The following ZNF473 variants were observed in gnomAD, a reference collection of about 807,000 sequenced individuals.
ZNF473 encodes zinc finger protein 473.
Under a neutral mutation model 11.1 loss-of-function variants are expected in ZNF473, and 4 were observed. The ratio of observed to expected loss-of-function variants is 0.36; its 90% CI spans 0.18 to 0.82. The LOEUF is 0.82. Ranked by LOEUF, ZNF473 falls within the 40% of genes least tolerant of loss-of-function variation. The pLI is 0.49. For synonymous variants in ZNF473, 404 were observed against 390.4 expected (o/e 1.03, Z -0.41); for missense variants, 854 against 1,084.0 (o/e 0.79, Z 2.98).
intron 2 of ZNF473, among the ~76,000 whole-genome samples, chr19:50,032,053 A>G (rs2077321193): frequency 6.6e-6 from 1 of 151,580 alleles, no homozygotes; most frequent in Non-Finnish European, 1.5e-5. Flanking sequence ...CCATGTCCCC[A>G]GTGCCCACAA....
intron 3 of ZNF473, chr19:50,040,449 T>A: frequency 6.6e-6 from 1 of 152,300 alleles, no homozygotes; most frequent in Non-Finnish European, 1.5e-5. Context: ...TAAGCCACCG[T>A]GTTTGCACAG....
In ZNF473 at chr19:50,045,524, C is replaced by T. The variant is rs895403488; in HGVS notation, c.1081C>T (p.His361Tyr). ...CCAGGCGACCTTCAACTTGAGAAAA[C>T]ACCTCATCCAACATCAGAAAACTCA... The part of the protein sequence containing the change: ...KCQATFNLRK[H>Y]LIQHQKTHAA... Residue 361 changes from histidine (H) to tyrosine (Y), a missense_variant, in exon 5 of 5, where the codon CAC becomes TAC. By Grantham distance (83) the His-to-Tyr change is moderately conservative. Coordinates refer to ENST00000270617, the MANE Select transcript of ZNF473 (RefSeq NM_015428.4). 1.2e-6 allele frequency: 2 copies of T among 1,614,088 alleles called. No individual in the cohort carries two copies.
chr19:50,030,515 A>C (rs1600750183), intron 1 of ZNF473, among the ~76,000 whole-genome samples: 1 of 152,206 alleles, frequency 6.6e-6, no homozygotes, highest in African/African-American at 2.4e-5. Flanking sequence ...GTCTCCAAAA[A>C]AGAGTAACAG....
intron 2 of ZNF473, among the ~76,000 whole-genome samples, chr19:50,035,352 A>G (rs1978364260): frequency 6.6e-6 from 1 of 151,918 alleles, no homozygotes. Context: ...TAGGACAGGT[A>G]GGGTAAATGC....
intron 3 of ZNF473, chr19:50,041,258 C>T (rs1174877368): frequency 6.5e-6 from 1 of 152,700 alleles, no homozygotes; most frequent in East Asian, 1.9e-4. Flanking sequence ...GCCTGTATCC[C>T]TCCTGGATGG....
At chr19:50,030,043 G>A (rs1434156630) in intron 1 of ZNF473, among the ~76,000 whole-genome samples, 4 of 152,094 alleles carry the variant, frequency 2.6e-5, no homozygotes, top group African/African-American at 9.7e-5. Context: ...TACAGACGGG[G>A]TTTCAGCATA....
At chr19:50,036,312 G>T (rs1218248595) in intron 2 of ZNF473, among the ~76,000 whole-genome samples, 1 of 124,260 alleles carries the variant, frequency 8.0e-6, no homozygotes, top group Non-Finnish European at 1.6e-5. Context: ...AAGAGGTGGG[G>T]CCTTTTTTTT....
intron 4 of ZNF473, chr19:50,042,468 C>T (rs1176564438): frequency 6.6e-6 from 1 of 152,302 alleles, no homozygotes; most frequent in African/African-American, 2.4e-5. Context: ...CTTCTTGGCT[C>T]ACCACGCTCA....
In ZNF473 at chr19:50,044,824, C is replaced by T. The variant is rs138578486; in HGVS notation, c.381C>T (p.Gly127=). 2.1e-5 allele frequency: 34 copies of T among 1,614,190 alleles called. No homozygotes were observed. The African/African-American group carries it at 2.5e-4, about 12-fold the overall frequency. Residue 127 remains glycine (G), a synonymous_variant, in exon 5 of 5, where the codon GGC becomes GGT. Coordinates refer to ENST00000270617, the MANE Select transcript of ZNF473 (RefSeq NM_015428.4). ...ACACCTGGTTAGATAGTTTGCTAGG[C>T]GATCCAGAAAGTCTTCTGAGGTCTG... ...IEDTWLDSLL[G]DPESLLRSDI...
chr19:50,042,707 T>C (rs1259694815), intron 4 of ZNF473: 2 of 152,258 alleles, frequency 1.3e-5, no homozygotes, highest in South Asian at 2.1e-4. Context: ...TCTTTCCCCT[T>C]TAACAGCATG....
chr19:50,046,227 A>G lies in ZNF473; in HGVS notation c.1784A>G (p.Gln595Arg). 1.9e-6 allele frequency: 3 copies of G among 1,614,202 alleles called. No homozygotes were observed. Among genetic ancestry groups the G allele is most frequent in the Non-Finnish European group, 2.5e-6 (3 of 1,180,038 alleles). ...TRGVKPFECD[Q>R]CGKAFGQSTR... ...GGAGTGAAGCCCTTTGAATGTGACC[A>G]GTGTGGGAAAGCCTTTGGCCAAAGT... The change falls in exon 5 of 5, where the codon CAG (glutamine) becomes CGG (arginine). Residue 595 changes from glutamine to arginine, a missense_variant. By Grantham distance (43) the Gln-to-Arg change is conservative. Coordinates refer to ENST00000270617, the MANE Select transcript of ZNF473 (RefSeq NM_015428.4). The surrounding 1 kb of genome is among the most constrained non-coding windows in gnomAD (Gnocchi z 5.9).
rs1978626508 is a variant in ZNF473 at position 50,039,078 on chromosome 19, G to A, written c.10-83G>A. The A allele has an allele frequency of 6.4e-7, 1 of 1,558,678 alleles. No homozygotes were observed. The highest frequency in any genetic ancestry group is 1.4e-5 in the African/African-American group (1 of 73,862). On this transcript the variant is annotated intron_variant, in intron 2 of 4. Coordinates refer to ENST00000270617, the MANE Select transcript of ZNF473 (RefSeq NM_015428.4). This position sits in a 1 kb window ranked among gnomAD's most constrained non-coding sequence, Gnocchi z 4.8. ...GTTTTTGCCAAAGCCCTGGCAGATTGAGGGCTGGGAGTGCCCTGAGTGAGC... is the reference window on the plus strand; with the variant it reads ...GTTTTTGCCAAAGCCCTGGCAGATTAAGGGCTGGGAGTGCCCTGAGTGAGC...
At chr19:50,027,171 C>G (rs541768693) in intron 1 of ZNF473, among the ~76,000 whole-genome samples, 29 of 152,088 alleles carry the variant, frequency 1.9e-4, no homozygotes, top group African/African-American at 7.0e-4. Context: ...GGCAGCACCC[C>G]CCCACACCCC....
chr19:50,034,386 T>C (rs2077334114), intron 2 of ZNF473, among the ~76,000 whole-genome samples: 1 of 152,242 alleles, frequency 6.6e-6, no homozygotes, highest in East Asian at 1.9e-4. Context: ...GGATGCTGTT[T>C]AGTATATGCC....
At position 50,044,797 on chromosome 19, in the gene ZNF473, G is replaced by A. The variant is rs1402131263; in HGVS notation, c.354G>A (p.Glu118=). The A allele has an allele frequency of 6.2e-7, 1 of 1,614,104 alleles. No individual in the cohort carries two copies. The highest frequency in any genetic ancestry group is 1.3e-5 in the African/African-American group (1 of 74,936). Reference sequence around the variant, plus strand: ...CCAATTTCGGAGAAGCCTGTATAGAGGACACCTGGTTAGATAGTTTGCTAG... The same window carrying A: ...CCAATTTCGGAGAAGCCTGTATAGAAGACACCTGGTTAGATAGTTTGCTAG... ...WNSNFGEACI[E]DTWLDSLLGD... The change falls in exon 5 of 5, where the codon GAG becomes GAA. Residue 118 remains glutamate (E), a synonymous_variant. Coordinates refer to ENST00000270617, the MANE Select transcript of ZNF473 (RefSeq NM_015428.4).
Position 50,044,954 on chromosome 19 carries a change from CATA to C in ZNF473, c.514_516del (p.Asn172del), listed in dbSNP as rs1467460915. 32 of 1,614,054 alleles carry C rather than the reference CATA, an allele frequency of 2.0e-5. No homozygotes were observed. The highest frequency in any genetic ancestry group is 2.6e-5 in the Non-Finnish European group (31 of 1,180,056). On this transcript the variant is annotated inframe_deletion, in exon 5 of 5. Transcript: ENST00000270617. ...TTCCACGGGAGAAGATTCCATGGTG[CATA>C]ATGTTTCTGAAAAGACCCTCACACC...
chr19:50,047,061 C>T lies in ZNF473; in HGVS notation c.*2C>T, dbSNP rs763241472. Reference sequence around the variant, plus strand: ...AACAAGCAGCAATACTGCCTGTAGCCATTGGGTGGCAGCAGAGTCCCAGAA... The same window carrying T: ...AACAAGCAGCAATACTGCCTGTAGCTATTGGGTGGCAGCAGAGTCCCAGAA... On this transcript the variant is annotated 3_prime_UTR_variant, in exon 5 of 5. Transcript: ENST00000270617. The T allele has an allele frequency of 6.3e-7, 1 of 1,598,440 alleles. No individual in the cohort carries two copies.
Position 50,047,308 on chromosome 19 carries a change from A to C in ZNF473, c.*249A>C, listed in dbSNP as rs1486786749. On this transcript the variant is annotated 3_prime_UTR_variant, in exon 5 of 5. Coordinates refer to ENST00000270617, the MANE Select transcript of ZNF473 (RefSeq NM_015428.4). ...TCCCACCTCTGCCATCTACTACCTA[A>C]GTGACCTTGGGAAGGTCAGAAAAAT... is the stretch of plus-strand genomic sequence containing the variant. 4.6e-6 allele frequency: 2 copies of C among 434,038 alleles called. No homozygotes were observed. Among genetic ancestry groups the C allele is most frequent in the Non-Finnish European group, 8.4e-6 (2 of 238,244 alleles). 26.9% of individuals were successfully genotyped at this position (434,038 alleles called of 1,614,324 possible).
chr19:50,031,760 A>T (rs775747317), intron 2 of ZNF473, among the ~76,000 whole-genome samples: 2 of 152,188 alleles, frequency 1.3e-5, no homozygotes, highest in Non-Finnish European at 2.9e-5. Flanking sequence ...AGCACAGGCC[A>T]GGAACACAGG....
Sources: gnomAD v4.1 joint callset for allele counts (sites outside exome capture counted in the v4.1 genomes callset) on GRCh38, gnomAD v4.1.1 for gene constraint, Gnocchi (gnomAD v3.1) non-coding constraint, MANE v1.5 for transcripts, NCBI Gene and HGNC (gene_info 2026-07-23, HGNC 2026-07-21) for gene names.